Variants in CCDC88A observed in about 807,000 individuals in gnomAD.
The protein encoded by CCDC88A is girdin.
A neutral mutation model predicts 234.3 loss-of-function variants in CCDC88A; 54 were observed. The ratio of observed to expected loss-of-function variants is 0.23; its 90% CI spans 0.19 to 0.29. CCDC88A has a LOEUF of 0.29. Ranked by LOEUF, CCDC88A falls within the 10% of genes least tolerant of loss-of-function variation. The pLI, the probability that CCDC88A is intolerant of heterozygous loss-of-function variation, is 1.00. For missense variants in CCDC88A, 1,832 were observed against 2,123.4 expected, an observed-to-expected ratio of 0.86 and a Z score of 2.70; for synonymous variants, 753 against 737.8, an observed-to-expected ratio of 1.02 and a Z score of -0.33.
intron 12 of CCDC88A, among the ~76,000 whole-genome samples, chr2:55,341,290 G>A (rs572538786): frequency 7.3e-5 from 11 of 151,114 alleles, no homozygotes; most frequent in African/African-American, 2.4e-4. Flanking sequence ...GACTACAGGC[G>A]CGCGCCACCA....
chr2:55,358,314 G>A (rs1174269265), intron 7 of CCDC88A, among the ~76,000 whole-genome samples: 2 of 152,150 alleles, frequency 1.3e-5, no homozygotes, highest in African/African-American at 4.8e-5. Flanking sequence ...GATATGGATA[G>A]CAGAGATTCA....
rs1679205749 is a variant in CCDC88A at position 55,288,277 on chromosome 2, A to G, written c.*2923T>C. On this transcript the variant is annotated 3_prime_UTR_variant, in exon 33 of 33. Coordinates refer to ENST00000436346, the MANE Select transcript of CCDC88A (RefSeq NM_001365480.1). ...GTCCAAATATCTCAACATGTACATC[A>G]AGGTTTATATTATAAAATGGGCTCC... 6.6e-6 allele frequency: 1 copy of G among 152,650 alleles called. No individual in the cohort carries two copies. The highest frequency in any genetic ancestry group is 6.5e-5 in the Admixed American group (1 of 15,274). The allele number at this position is 152,650 out of a possible 1,614,324, so 9.5% of individuals were successfully genotyped here.
Position 55,419,375 on chromosome 2 carries a change from G to A in CCDC88A, c.-296C>T. On this transcript the variant is annotated 5_prime_UTR_variant, in exon 1 of 33. Transcript: ENST00000436346. Reference sequence around the variant, plus strand: ...GCATCTGGAGGAGGAGGAAGGGAAAGGGGGCTGGAACCCAAGACAAAAAGC... The same window carrying A: ...GCATCTGGAGGAGGAGGAAGGGAAAAGGGGCTGGAACCCAAGACAAAAAGC... 2.6e-6 allele frequency: 1 copy of A among 384,970 alleles called. No homozygotes were observed. Among genetic ancestry groups the A allele is most frequent in the South Asian group, 2.8e-5 (1 of 35,672 alleles). The allele number at this position is 384,970 out of a possible 1,614,324, so 23.8% of individuals were successfully genotyped here.
intron 3 of CCDC88A, among the ~76,000 whole-genome samples, chr2:55,381,410 G>A (rs778835477): frequency 1.6e-4 from 24 of 151,918 alleles, no homozygotes; most frequent in Non-Finnish European, 2.6e-4. Flanking sequence ...AAAATTAGCC[G>A]GGTGTAGTGG....
At chr2:55,320,510 C>A (rs1377613692) in intron 18 of CCDC88A, among the ~76,000 whole-genome samples, 3 of 151,638 alleles carry the variant, frequency 2.0e-5, no homozygotes, top group Non-Finnish European at 4.4e-5. Context: ...AATTTTTTTC[C>A]AATGAGAATT....
In CCDC88A at chr2:55,308,842, C is replaced by T. The variant is rs1681970250; in HGVS notation, c.4354G>A (p.Asp1452Asn). Residue 1452 changes from aspartate (D) to asparagine (N), a missense_variant, in exon 25 of 33, where the codon GAT becomes AAT. Physicochemically the swap from Asp to Asn is conservative, Grantham distance 23 (BLOSUM62 1). This residue lies in a region of CCDC88A where 1,282 missense variants were observed against 1,543.6 expected (regional missense o/e 0.83). Transcript: ENST00000436346. The stretch of plus-strand genomic sequence containing the variant: ...TTCTTGGTCCCCAAGGTCTGGCCAT[C>T]TTCTAAAGAGTTTGAACCTACTGAA... ...SSSVGSNSLE[D>N]GQTLGTKKSS... is the part of the protein sequence containing the mutation. The T allele has an allele frequency of 1.2e-6, 2 of 1,614,030 alleles. No individual in the cohort carries two copies. The highest frequency in any genetic ancestry group is 1.7e-6 in the Non-Finnish European group (2 of 1,180,012).
chr2:55,309,816 A>T lies in CCDC88A; in HGVS notation c.4080-562T>A, dbSNP rs1411889478. Among the ~76,000 whole-genome samples the T allele has an allele frequency of 6.6e-6, 1 of 152,204 alleles. No homozygotes were observed. The highest frequency in any genetic ancestry group is 1.5e-5 in the Non-Finnish European group (1 of 68,022). ...ATTTACAATGAGGAAGGCATGAGGTATATATGAAGATGAATAATAAATAGC... is the reference window on the plus strand; with the variant it reads ...ATTTACAATGAGGAAGGCATGAGGTTTATATGAAGATGAATAATAAATAGC... On this transcript the variant is annotated intron_variant, in intron 23 of 32. Transcript: ENST00000436346. The surrounding 1 kb of genome is among the most constrained non-coding windows in gnomAD (Gnocchi z 5.1).
intron 2 of CCDC88A, among the ~76,000 whole-genome samples, chr2:55,413,801 A>C (rs1013302533): frequency 2.0e-5 from 3 of 151,974 alleles, no homozygotes; most frequent in Non-Finnish European, 2.9e-5. Flanking sequence ...AAAATACAAA[A>C]ATTAGTCAAG....
chr2:55,419,110 T>C lies in CCDC88A; in HGVS notation c.-31A>G. 7.3e-7 allele frequency: 1 copy of C among 1,378,862 alleles called. No homozygotes were observed. The allele number at this position is 1,378,862 out of a possible 1,614,324, so 85.4% of individuals were successfully genotyped here. A position where few individuals can be genotyped will look rare whatever the true frequency, so the allele number is the denominator to read the frequency against. Reference sequence around the variant, plus strand: ...AGAGTATGTATTTGAAAAAAGGAACTACCACAAAAATACGCCTAGGGAATT... The same window carrying C: ...AGAGTATGTATTTGAAAAAAGGAACCACCACAAAAATACGCCTAGGGAATT... On this transcript the variant is annotated 5_prime_UTR_variant, in exon 1 of 33. Coordinates refer to ENST00000436346, the MANE Select transcript of CCDC88A (RefSeq NM_001365480.1).
chr2:55,362,243 C>T (rs1671420346), intron 7 of CCDC88A, 65 bp downstream of exon 7: 9 of 1,294,218 alleles, frequency 7.0e-6, no homozygotes, highest in Non-Finnish European at 8.5e-6. Flanking sequence ...TGAAAAGTTC[C>T]TAAAGCTACT....
intron 2 of CCDC88A, among the ~76,000 whole-genome samples, chr2:55,410,273 G>A (rs1424971785): frequency 1.3e-5 from 2 of 152,182 alleles, no homozygotes; most frequent in East Asian, 3.8e-4. Flanking sequence ...ATGTACAGGA[G>A]ACCTCTTTGT....
In CCDC88A at chr2:55,417,148, C is replaced by T. The variant is rs996773920; in HGVS notation, c.164+1668G>A. ...AAACTGCATTTGAAGTGGAAATTAA[C>T]GTATTTGTTTTTAGCACCTCAGCTA... is the stretch of plus-strand genomic sequence containing the variant. On this transcript the variant is annotated intron_variant, in intron 2 of 32. Transcript: ENST00000436346. 44 of 151,652 alleles carry T rather than the reference C, an allele frequency of 2.9e-4. 1 individual carries two copies. Among genetic ancestry groups the T allele is most frequent in the Admixed American group, 2.6e-3 (40 of 15,236 alleles). The allele number at this position is 151,652 out of a possible 1,614,324, so 9.4% of individuals were successfully genotyped here.
rs1288588886 is a variant in CCDC88A, at chr2:55,299,844, A to C, written c.4820T>G (p.Val1607Gly). The change falls in exon 29 of 33, where the codon GTC becomes GGC. Residue 1607 changes from valine (V) to glycine (G), a missense_variant. Val to Gly is a moderately radical substitution (Grantham distance 109, BLOSUM62 -3). Around this residue, in one of 6 missense-constraint regions of CCDC88A, gnomAD observed 422 missense variants for 416.5 expected, o/e 1.01. Transcript: ENST00000436346. ...TAAATTTACCTACAGCATACCTTTG[A>C]CTTCATGTAGTGAAGCATTATTATT... Reference protein sequence around the residue: ...NSNNNASLHEVKAGAVNNQSR... With the variant: ...NSNNNASLHEGKAGAVNNQSR... The C allele has an allele frequency of 1.2e-6, 2 of 1,606,592 alleles. No homozygotes were observed. Among genetic ancestry groups the C allele is most frequent in the African/African-American group, 2.7e-5 (2 of 74,758 alleles).
chr2:55,339,696 A>C, intron 12 of CCDC88A, 48 bp from the exon 13 acceptor site: 2 of 1,498,044 alleles, frequency 1.3e-6, no homozygotes, highest in Non-Finnish European at 1.8e-6. Flanking sequence ...TACTGTTTTT[A>C]CTATGTTTAC....
intron 5 of CCDC88A, 171 bp from the exon 6 acceptor site, chr2:55,364,204 T>C (rs1558746529): frequency 4.5e-6 from 2 of 447,332 alleles, no homozygotes; most frequent in South Asian, 7.7e-5. Context: ...AATTTAGAAA[T>C]AATTATTTTA....
intron 10 of CCDC88A, among the ~76,000 whole-genome samples, chr2:55,344,746 G>C (rs546873663): frequency 6.6e-6 from 1 of 152,222 alleles, no homozygotes; most frequent in African/African-American, 2.4e-5. Context: ...ACATTAAATT[G>C]TCGGGGTATA....
At chr2:55,415,545 G>A (rs1044850145) in intron 2 of CCDC88A, among the ~76,000 whole-genome samples, 4 of 152,166 alleles carry the variant, frequency 2.6e-5, no homozygotes, top group African/African-American at 7.2e-5. Context: ...CAGGAAGAGG[G>A]GAATCCAGGC....
intron 2 of CCDC88A, among the ~76,000 whole-genome samples, chr2:55,402,137 T>C (rs1287660482): frequency 3.3e-5 from 5 of 152,148 alleles, no homozygotes; most frequent in Middle Eastern, 3.4e-3. Context: ...GTTATAACTA[T>C]CTATATTTAC....
chr2:55,413,905 T>C (rs1484131577), intron 2 of CCDC88A, among the ~76,000 whole-genome samples: 1 of 151,458 alleles, frequency 6.6e-6, no homozygotes, highest in Non-Finnish European at 1.5e-5. Context: ...TGAGCGGTGA[T>C]CATGCCCCTG....
Sources: allele counts gnomAD v4.1 joint callset (sites outside exome capture counted in the v4.1 genomes callset), GRCh38; gene constraint gnomAD v4.1.1; regional missense constraint gnomAD v4.1.1; non-coding constraint Gnocchi (gnomAD v3.1); transcripts MANE v1.5; gene names NCBI Gene and HGNC (gene_info 2026-07-23, HGNC 2026-07-21).